USP53: variants seen among roughly 807,000 people sequenced by gnomAD.
USP53 encodes the protein ubiquitin carboxyl-terminal hydrolase 53.
A neutral mutation model predicts 94.9 loss-of-function variants in USP53; 71 were observed. That is an observed-to-expected ratio of 0.75 (90% confidence interval 0.62 to 0.91). USP53 has a LOEUF of 0.91. Among genes scored for constraint, USP53 ranks in the 40% least tolerant of loss-of-function variants. The pLI, the probability that USP53 is intolerant of heterozygous loss-of-function variation, is 0.00. For synonymous variants in USP53, 375 were observed against 422.7 expected (o/e 0.89, Z 1.39); for missense variants, 1,173 against 1,281.0 (o/e 0.92, Z 1.29).
At position 119,266,315 on chromosome 4, in the gene USP53, G is replaced by A. The variant is rs1324315191; in HGVS notation, c.973-1005G>A. 7 of 456,080 alleles carry A rather than the reference G, an allele frequency of 1.5e-5. No individual in the cohort carries two copies. The East Asian group carries it at 4.2e-4, about 27-fold the overall frequency. 28.3% of individuals were successfully genotyped at this position (456,080 alleles called of 1,614,324 possible). A position where few individuals can be genotyped will look rare whatever the true frequency, so the allele number is the denominator to read the frequency against. ...TTGCTGTTAGATAATACCTTGAAGT[G>A]GGATTTCTGGGTTGTGTGGTAAGTG... On this transcript the variant is annotated intron_variant, in intron 12 of 18. Transcript: ENST00000692078.
chr4:119,283,981 A>G (rs182556887), intron 17 of USP53, among the ~76,000 whole-genome samples: 15 of 152,052 alleles, frequency 9.9e-5, no homozygotes, highest in African/African-American at 3.4e-4. Flanking sequence ...TTGCTGAGGA[A>G]GAGAAGTGAG....
intron 12 of USP53, among the ~76,000 whole-genome samples, chr4:119,265,983 A>G: frequency 6.6e-6 from 1 of 152,212 alleles, no homozygotes; most frequent in East Asian, 1.9e-4. Context: ...CAGTACACAG[A>G]ACATGTTCAT....
chr4:119,237,263 A>T (rs894528471), intron 4 of USP53, among the ~76,000 whole-genome samples: 5 of 152,170 alleles, frequency 3.3e-5, no homozygotes, highest in Admixed American at 2.6e-4. Context: ...GTCAGTCTAG[A>T]TTTATCATGA....
chr4:119,267,256 T>G (rs1751247342), intron 12 of USP53, 64 bp from the exon 13 acceptor site: 2 of 1,508,536 alleles, frequency 1.3e-6, no homozygotes, highest in South Asian at 1.3e-5. Context: ...AGAGTCTGTC[T>G]TTTCATGTAA....
chr4:119,255,241 G>A (rs1749597063), intron 7 of USP53, among the ~76,000 whole-genome samples: 1 of 152,204 alleles, frequency 6.6e-6, no homozygotes, highest in Admixed American at 6.5e-5. Flanking sequence ...CATGCTAGGA[G>A]AACCACTGCT....
At chr4:119,282,458 C>T (rs1252546604) in intron 17 of USP53, among the ~76,000 whole-genome samples, 1 of 152,060 alleles carries the variant, frequency 6.6e-6, no homozygotes, top group Non-Finnish European at 1.5e-5. Context: ...TCCAGTCTCT[C>T]CATATCCTCA....
Position 119,251,010 on chromosome 4 carries a change from C to T in USP53, c.372+2128C>T, listed in dbSNP as rs1007108415. Among the ~76,000 whole-genome samples the T allele has an allele frequency of 3.9e-5, 6 of 152,088 alleles. No homozygotes were observed. The East Asian group carries it at 1.2e-3, about 29-fold the overall frequency. On this transcript the variant is annotated intron_variant, in intron 7 of 18. Coordinates refer to ENST00000692078, the MANE Select transcript of USP53 (RefSeq NM_001371395.1). Reference sequence around the variant, plus strand: ...CATGATGGTTTGCTGCACCCATCAACCTGTCACCTACATTAGGTATTTCTC... The same window carrying T: ...CATGATGGTTTGCTGCACCCATCAATCTGTCACCTACATTAGGTATTTCTC...
In USP53 at chr4:119,252,487, T is replaced by C. The variant is rs970315505; in HGVS notation, c.372+3605T>C. 3.0e-4 allele frequency among the ~76,000 whole-genome samples: 46 copies of C among 152,228 alleles called. 1 individual carries two copies. The highest frequency in any genetic ancestry group is 8.8e-5 in the Non-Finnish European group (6 of 68,048). ...GAGGGTGTATGTGTCCAGAAATTTA[T>C]CCATTTCTTCTACGTTTTCTAGTTT... On this transcript the variant is annotated intron_variant, in intron 7 of 18. Coordinates refer to ENST00000692078, the MANE Select transcript of USP53 (RefSeq NM_001371395.1).
chr4:119,292,556 G>A lies in USP53; in HGVS notation c.2567G>A (p.Ser856Asn). ...DNSASGKRVN[S>N]NEPSSLWSSH... ...TCTGCTTCTGGGAAGAGAGTGAACA[G>A]TAATGAACCATCTTCATTATGGTCT... The change falls in exon 19 of 19, where the codon AGT becomes AAT. Residue 856 changes from serine to asparagine, a missense_variant. Physicochemically the swap from Ser to Asn is conservative, Grantham distance 46. Transcript: ENST00000692078. The A allele has an allele frequency of 1.9e-6, 3 of 1,614,066 alleles. No individual in the cohort carries two copies. Among genetic ancestry groups the A allele is most frequent in the Non-Finnish European group, 2.5e-6 (3 of 1,179,940 alleles).
Position 119,256,498 on chromosome 4 carries a change from C to A in USP53, c.544C>A (p.Arg182=), listed in dbSNP as rs769595200. ...SDPLPFTEFV[R]YISTTALCNE... is the part of the protein sequence containing the mutation. ...TCCTCTACCTTTTACAGAATTTGTG[C>A]GGTACATTTCTACAACAGCCTTATG... Residue 182 remains arginine (R), a synonymous_variant, in exon 9 of 19, where the codon CGG becomes AGG. Transcript: ENST00000692078. 6.2e-7 allele frequency: 1 copy of A among 1,614,004 alleles called. No individual in the cohort carries two copies. Among genetic ancestry groups the A allele is most frequent in the Non-Finnish European group, 8.5e-7 (1 of 1,179,970 alleles).
intron 17 of USP53, among the ~76,000 whole-genome samples, chr4:119,273,924 T>A (rs1299706226): frequency 1.3e-5 from 2 of 151,818 alleles, no homozygotes; most frequent in Non-Finnish European, 1.5e-5. Context: ...TGTATTGTAT[T>A]GTCATACAAA....
intron 17 of USP53, among the ~76,000 whole-genome samples, chr4:119,279,696 C>A (rs930540580): frequency 6.6e-6 from 1 of 152,162 alleles, no homozygotes; most frequent in Non-Finnish European, 1.5e-5. Flanking sequence ...GCCCCTCCCC[C>A]AGCCTCGCTG....
chr4:119,243,189 T>C (rs1747775442), intron 5 of USP53, among the ~76,000 whole-genome samples: 1 of 152,152 alleles, frequency 6.6e-6, no homozygotes, highest in South Asian at 2.1e-4. Context: ...AGTGATAGAA[T>C]ATAATCAACA....
chr4:119,262,728 A>G (rs1750660691), intron 12 of USP53, among the ~76,000 whole-genome samples: 1 of 152,220 alleles, frequency 6.6e-6, no homozygotes, highest in African/African-American at 2.4e-5. Context: ...GTGCAGTTCA[A>G]ACCTGTGTTG....
At chr4:119,264,129 C>A (rs1750834224) in intron 12 of USP53, among the ~76,000 whole-genome samples, 1 of 152,102 alleles carries the variant, frequency 6.6e-6, no homozygotes, top group Non-Finnish European at 1.5e-5. Flanking sequence ...TTTAAAATAA[C>A]AGAACAAAAT....
At chr4:119,221,152 G>A (rs1473732043) in intron 3 of USP53, 1 of 152,210 alleles carries the variant, frequency 6.6e-6, no homozygotes, top group Non-Finnish European at 1.5e-5. Flanking sequence ...GGAATAGCTC[G>A]AGTGGAGTTT....
intron 10 of USP53, 56 bp downstream of exon 10, chr4:119,259,981 G>A: frequency 2.3e-6 from 3 of 1,302,806 alleles, no homozygotes; most frequent in East Asian, 2.5e-5. Context: ...TTTGAAAATA[G>A]GCATTCAGAT....
chr4:119,271,127 A>G, intron 15 of USP53, 169 bp from the exon 16 acceptor site: 3 of 804,028 alleles, frequency 3.7e-6, no homozygotes, highest in African/African-American at 1.9e-5. Flanking sequence ...TTAAGCATAC[A>G]CAAGGACTGG....
At chr4:119,217,247 C>T (rs4834763) in intron 2 of USP53, among the ~76,000 whole-genome samples, 145,628 of 152,214 alleles carry the variant, frequency 0.96, 69,700 homozygotes, top group East Asian at 0.99. Flanking sequence ...GCATAATAAA[C>T]TGTTGCCCCT....
Sources: gnomAD v4.1 joint callset for allele counts (sites outside exome capture counted in the v4.1 genomes callset) on GRCh38, gnomAD v4.1.1 for gene constraint, MANE v1.5 for transcripts, NCBI Gene and HGNC (gene_info 2026-07-23, HGNC 2026-07-21) for gene names.